The following DMRT1 variants were observed in gnomAD, a reference collection of about 807,000 sequenced individuals.
The protein encoded by DMRT1 is doublesex and mab-3 related transcription factor 1, also known as doublesex- and mab-3-related transcription factor 1.
DMRT1 carries 7 observed loss-of-function variants against 32.3 expected under a neutral mutation model. That is an observed-to-expected ratio of 0.22 (90% CI 0.12 to 0.41). The LOEUF (loss-of-function observed/expected upper bound fraction) is 0.41. Ranked by LOEUF, DMRT1 falls within the 10% of genes least tolerant of loss-of-function variation. DMRT1 has a pLI of 1.00. For missense variants in DMRT1, 625 were observed against 500.5 expected (o/e 1.25, Z -2.37); for synonymous variants, 278 against 206.1 (o/e 1.35, Z -2.99).
At position 874,735 on chromosome 9, in the gene DMRT1, C is replaced by G. The variant is rs563909033; in HGVS notation, c.539-19177C>G. 4.6e-5 allele frequency among the ~76,000 whole-genome samples: 7 copies of G among 151,792 alleles called. No homozygotes were observed. The South Asian group carries it at 1.5e-3, about 32-fold the overall frequency. On this transcript the variant is annotated intron_variant, in intron 2 of 4. Transcript: ENST00000382276. ...TTCCTTCTTGGCTGTCTTGGCCTTC[C>G]TTCCTCTCTTCTTGGGACTTGTCAT...
intron 4 of DMRT1, among the ~76,000 whole-genome samples, chr9:952,351 A>G (rs1819454970): frequency 1.3e-5 from 2 of 152,194 alleles, no homozygotes; most frequent in African/African-American, 2.4e-5. Flanking sequence ...TCCTTAGAGT[A>G]CTCGGCTCCC....
At chr9:846,570 T>C (rs1250196769) in intron 1 of DMRT1, among the ~76,000 whole-genome samples, 1 of 152,118 alleles carries the variant, frequency 6.6e-6, no homozygotes, top group African/African-American at 2.4e-5. Flanking sequence ...CAGTCATTTG[T>C]TTAACAAGCT....
chr9:885,380 T>G (rs1014773251), intron 2 of DMRT1, among the ~76,000 whole-genome samples: 1 of 152,148 alleles, frequency 6.6e-6, no homozygotes, highest in African/African-American at 2.4e-5. Context: ...GTGTAAGGTT[T>G]TACTGAGTGG....
At chr9:861,953 G>A (rs1815716556) in intron 2 of DMRT1, among the ~76,000 whole-genome samples, 2 of 149,894 alleles carry the variant, frequency 1.3e-5, no homozygotes, top group African/African-American at 2.5e-5. Context: ...GGGCGGGCGG[G>A]CAGAGACGCT....
chr9:886,925 C>T (rs55730931), intron 2 of DMRT1, among the ~76,000 whole-genome samples: 4,206 of 152,238 alleles, frequency 0.028, 88 homozygotes, highest in Non-Finnish European at 0.039. Context: ...GGCAAGGAAT[C>T]GGATATTCCT....
At chr9:886,024 T>C (rs7864481) in intron 2 of DMRT1, among the ~76,000 whole-genome samples, 10,238 of 152,260 alleles carry the variant, frequency 0.067, 693 homozygotes, top group African/African-American at 0.18. Flanking sequence ...TCTAGAAAAA[T>C]AGAGAGTGAG....
chr9:934,953 TTTTG>T lies in DMRT1; in HGVS notation c.967+18052_967+18055del, dbSNP rs749162037. Among the ~76,000 whole-genome samples the T allele has an allele frequency of 4.6e-5, 7 of 152,348 alleles. No homozygotes were observed. In the East Asian group the frequency reaches 1.2e-3, roughly 25 times the overall value. On this transcript the variant is annotated intron_variant, in intron 4 of 4. Transcript: ENST00000382276. The stretch of plus-strand genomic sequence containing the variant: ...GTGAATATTTTCTCGGTTATCTTAC[TTTTG>T]TTTGTCTCTCCCAGCTGTCTCAACT...
chr9:878,208 C>T (rs911806172), intron 2 of DMRT1, among the ~76,000 whole-genome samples: 1 of 124,788 alleles, frequency 8.0e-6, no homozygotes, highest in Non-Finnish European at 1.6e-5. Flanking sequence ...CTGCCCCCCC[C>T]CCACCCAATA....
intron 2 of DMRT1, among the ~76,000 whole-genome samples, chr9:877,544 T>G (rs1022385247): frequency 6.6e-6 from 1 of 152,252 alleles, no homozygotes; most frequent in South Asian, 2.1e-4. Context: ...GCATTAATAT[T>G]TTGAATCCAT....
chr9:912,231 C>T (rs569239127), intron 3 of DMRT1, among the ~76,000 whole-genome samples: 2 of 152,202 alleles, frequency 1.3e-5, no homozygotes, highest in East Asian at 1.9e-4. Flanking sequence ...TTGGGGCAAC[C>T]GCCCCCATGA....
chr9:933,648 G>A (rs1359415329), intron 4 of DMRT1, among the ~76,000 whole-genome samples: 4 of 152,188 alleles, frequency 2.6e-5, no homozygotes, highest in Admixed American at 6.5e-5. Flanking sequence ...AGCACATAGG[G>A]TTATTTAAAT....
At chr9:850,131 T>C (rs923157891) in intron 2 of DMRT1, among the ~76,000 whole-genome samples, 6 of 152,196 alleles carry the variant, frequency 3.9e-5, no homozygotes, top group African/African-American at 1.4e-4. Context: ...CAATAGGCTC[T>C]CTGCTAACCA....
At position 862,138 on chromosome 9, in the gene DMRT1, G is replaced by C. The variant is rs576403575; in HGVS notation, c.538+14995G>C. ...AGGCTGCAATCTCAGCACTTTGGGA[G>C]GCCAAGGCAGGCGGCTGGGAGGTGG... is the stretch of plus-strand genomic sequence containing the variant. On this transcript the variant is annotated intron_variant, in intron 2 of 4. Transcript: ENST00000382276. 5.7e-3 allele frequency among the ~76,000 whole-genome samples: 860 copies of C among 150,008 alleles called. 15 individuals carry two copies. Among genetic ancestry groups the C allele is most frequent in the African/African-American group, 0.018 (747 of 40,756 alleles).
intron 3 of DMRT1, among the ~76,000 whole-genome samples, chr9:902,735 C>T (rs1417300932): frequency 6.6e-6 from 1 of 152,010 alleles, no homozygotes. Context: ...GTGATCCGCC[C>T]ACCTCAGCTT....
At chr9:879,092 T>C (rs1589491493) in intron 2 of DMRT1, among the ~76,000 whole-genome samples, 1 of 152,174 alleles carries the variant, frequency 6.6e-6, no homozygotes, top group South Asian at 2.1e-4. Flanking sequence ...AACACAACCC[T>C]GAGAGCCAGC....
At chr9:894,531 G>A in intron 3 of DMRT1, 1 of 366,552 alleles carries the variant, frequency 2.7e-6, no homozygotes, top group South Asian at 2.3e-5. Flanking sequence ...AACCAGTTGG[G>A]CACAGGCAGA....
chr9:873,667 G>C (rs984537528), intron 2 of DMRT1, among the ~76,000 whole-genome samples: 13 of 152,100 alleles, frequency 8.5e-5, no homozygotes, highest in African/African-American at 3.1e-4. Context: ...TTGTGAATGA[G>C]TGAAATAAAG....
rs567732645 is a variant in DMRT1, at chr9:916,639, C to T, written c.823-124C>T. ...CTCCCGCCCTGGCCTCCCAAGGTGT[C>T]GGGAACATAGGCATGAGCCACTGTG... On this transcript the variant is annotated intron_variant, in intron 3 of 4. Coordinates refer to ENST00000382276, the MANE Select transcript of DMRT1 (RefSeq NM_021951.3). 9.8e-5 allele frequency: 119 copies of T among 1,214,072 alleles called. No individual in the cohort carries two copies. The African/African-American group carries it at 1.5e-3, about 15-fold the overall frequency. The allele number at this position is 1,214,072 out of a possible 1,614,324, so 75.2% of individuals were successfully genotyped here.
chr9:922,594 A>G (rs947693446), intron 4 of DMRT1, among the ~76,000 whole-genome samples: 5 of 152,200 alleles, frequency 3.3e-5, no homozygotes. Flanking sequence ...CGACACCTGC[A>G]AAAAGGTTTA....
Sources: allele counts gnomAD v4.1 joint callset (sites outside exome capture counted in the v4.1 genomes callset), GRCh38; gene constraint gnomAD v4.1.1; transcripts MANE v1.5; gene names NCBI Gene and HGNC (gene_info 2026-07-23, HGNC 2026-07-21).